PTPRT: variants seen among roughly 807,000 people sequenced by gnomAD.
The protein encoded by PTPRT is receptor-type tyrosine-protein phosphatase T.
Under a neutral mutation model 176.8 loss-of-function variants are expected in PTPRT, and 56 were observed. That is an observed-to-expected ratio of 0.32 (90% CI 0.26 to 0.40). The LOEUF (loss-of-function observed/expected upper bound fraction) is 0.40, where lower values mean the gene tolerates loss of function less well. PTPRT is among the 10% of genes least tolerant of loss of function. The pLI is 1.00. For missense variants in PTPRT, 1,540 were observed against 1,908.2 expected (o/e 0.81, Z 3.60); for synonymous variants, 783 against 739.0 (o/e 1.06, Z -0.96).
intron 7 of PTPRT, among the ~76,000 whole-genome samples, chr20:42,498,506 C>T (rs760683311): frequency 3.9e-5 from 6 of 152,092 alleles, no homozygotes; most frequent in Non-Finnish European, 8.8e-5. Context: ...GTATTTTGCT[C>T]CAAAATATAC....
At chr20:42,346,672 G>C (rs2058200108) in intron 11 of PTPRT, among the ~76,000 whole-genome samples, 2 of 152,174 alleles carry the variant, frequency 1.3e-5, no homozygotes, top group Admixed American at 1.3e-4. Context: ...AGTTCTACCA[G>C]ATAGAGTCAG....
At chr20:42,723,419 G>A (rs1205009960) in intron 6 of PTPRT, among the ~76,000 whole-genome samples, 3 of 152,168 alleles carry the variant, frequency 2.0e-5, no homozygotes, top group Non-Finnish European at 4.4e-5. Context: ...GGCCTTCCCG[G>A]TGAGCTGGGC....
In PTPRT at chr20:42,437,245, T is replaced by C. The variant is rs532220842; in HGVS notation, c.1560+10975A>G. On this transcript the variant is annotated intron_variant, in intron 9 of 30. Transcript: ENST00000373187. Reference sequence around the variant, plus strand: ...CAATACAGAAACAGTTTCATGAAACTAGGAGTGAGATTAATCTCATTTTGG... The same window carrying C: ...CAATACAGAAACAGTTTCATGAAACCAGGAGTGAGATTAATCTCATTTTGG... Among the ~76,000 whole-genome samples, 106 of 152,238 alleles carry C rather than the reference T, an allele frequency of 7.0e-4. 2 individuals carry two copies. Among genetic ancestry groups the C allele is most frequent in the Non-Finnish European group, 2.2e-4 (15 of 68,006 alleles).
At chr20:42,084,249 G>C (rs1043272801) in intron 29 of PTPRT, among the ~76,000 whole-genome samples, 3 of 152,214 alleles carry the variant, frequency 2.0e-5, no homozygotes, top group Admixed American at 6.5e-5. Context: ...AAAGTCTCCA[G>C]TTCACCCCAG....
intron 11 of PTPRT, among the ~76,000 whole-genome samples, chr20:42,332,678 C>T (rs2057983769): frequency 6.6e-6 from 1 of 151,570 alleles, no homozygotes; most frequent in South Asian, 2.1e-4. Flanking sequence ...GTCTCTCTGT[C>T]ACTGTAAAGA....
chr20:42,380,557 A>G (rs554492338), intron 9 of PTPRT, among the ~76,000 whole-genome samples: 2 of 152,212 alleles, frequency 1.3e-5, no homozygotes, highest in South Asian at 4.1e-4. Flanking sequence ...CCCAATCGGA[A>G]TGGGGAAGAT....
chr20:42,121,884 A>T (rs2146337264), intron 19 of PTPRT, among the ~76,000 whole-genome samples: 1 of 152,226 alleles, frequency 6.6e-6, no homozygotes, highest in Non-Finnish European at 1.5e-5. Context: ...ATGGGCCTGG[A>T]GGCCATTATC....
At chr20:43,181,001 ACT>A (rs941626832) in intron 1 of PTPRT, among the ~76,000 whole-genome samples, 25 of 151,738 alleles carry the variant, frequency 1.6e-4, no homozygotes, top group African/African-American at 6.1e-4. Context: ...TCTTGCTCAC[ACT>A]CTCTCCGGCT....
intron 6 of PTPRT, among the ~76,000 whole-genome samples, chr20:42,709,851 T>C (rs2076118076): frequency 6.6e-6 from 1 of 152,086 alleles, no homozygotes. Context: ...GCTGATGAGG[T>C]CTTAGATGGA....
intron 1 of PTPRT, among the ~76,000 whole-genome samples, chr20:43,156,988 C>T (rs2014540261): frequency 6.6e-6 from 1 of 152,124 alleles, no homozygotes; most frequent in South Asian, 2.1e-4. Context: ...TTCATCCATG[C>T]ATTCAACACC....
chr20:42,519,137 G>A (rs1181363934), intron 7 of PTPRT, among the ~76,000 whole-genome samples: 4 of 152,006 alleles, frequency 2.6e-5, no homozygotes, highest in Non-Finnish European at 4.4e-5. Context: ...TTTTTGTTCC[G>A]CAACTCCTTC....
the PTPRT span, among the ~76,000 whole-genome samples, chr20:42,067,256 G>A: frequency 1.3e-5 from 2 of 152,170 alleles, no homozygotes; most frequent in African/African-American, 2.4e-5. Context: ...CTGGTACGGG[G>A]AGCTAGTACA....
At chr20:43,138,671 A>T (rs1002638118) in intron 1 of PTPRT, among the ~76,000 whole-genome samples, 1 of 152,004 alleles carries the variant, frequency 6.6e-6, no homozygotes, top group Admixed American at 6.5e-5. Context: ...TGACGGGGTC[A>T]CTCGCATCTC....
chr20:42,790,405 AT>A (rs11475849), intron 3 of PTPRT, among the ~76,000 whole-genome samples: 8,387 of 147,324 alleles, frequency 0.057, 269 homozygotes, highest in Middle Eastern at 0.14. Flanking sequence ...CATTGCCATG[AT>A]TTTTTTTTTT....
At chr20:42,442,250 G>A (rs1193823259) in intron 9 of PTPRT, among the ~76,000 whole-genome samples, 19 of 152,162 alleles carry the variant, frequency 1.2e-4, no homozygotes, top group Admixed American at 1.2e-3. Flanking sequence ...CTCGGAAGAC[G>A]CTCCAGCCTC....
rs1009880653 is a variant in PTPRT, at chr20:43,103,989, G to A, written c.88+85657C>T. On this transcript the variant is annotated intron_variant, in intron 1 of 30. Coordinates refer to ENST00000373187, the MANE Select transcript of PTPRT (RefSeq NM_007050.6). ...AGAGCAGATGCTTTAAACATCACAC[G>A]CGCTTGCCACAGTAATTGCACTTTG... is the stretch of plus-strand genomic sequence containing the variant. Among the ~76,000 whole-genome samples the A allele has an allele frequency of 2.0e-5, 3 of 152,166 alleles. No individual in the cohort carries two copies. In the East Asian group the frequency reaches 5.8e-4, roughly 29 times the overall value.
chr20:42,672,581 C>T (rs763340905), intron 7 of PTPRT, among the ~76,000 whole-genome samples: 10 of 152,156 alleles, frequency 6.6e-5, no homozygotes, highest in Non-Finnish European at 1.2e-4. Context: ...TACTCCCAAC[C>T]CCACATCCCT....
chr20:43,015,908 AG>A (rs1985344652), intron 1 of PTPRT, among the ~76,000 whole-genome samples: 1 of 151,588 alleles, frequency 6.6e-6, no homozygotes, highest in South Asian at 2.1e-4. Context: ...CCAATCAGAA[AG>A]GTTCATAGAA....
chr20:42,801,886 GC>G (rs2077536308), intron 2 of PTPRT, among the ~76,000 whole-genome samples: 2 of 152,140 alleles, frequency 1.3e-5, no homozygotes, highest in Admixed American at 1.3e-4. Flanking sequence ...GAATGCAAGT[GC>G]CTTAGAGACC....
Sources: allele counts gnomAD v4.1 joint callset (sites outside exome capture counted in the v4.1 genomes callset), GRCh38; gene constraint gnomAD v4.1.1; transcripts MANE v1.5; gene names NCBI Gene and HGNC (gene_info 2026-07-23, HGNC 2026-07-21).